The following PTPN4 variants were observed in gnomAD, a reference collection of about 807,000 sequenced individuals.
PTPN4 encodes the protein tyrosine-protein phosphatase non-receptor type 4.
Under a neutral mutation model 135.5 loss-of-function variants are expected in PTPN4, and 49 were observed. That is an observed-to-expected ratio of 0.36 (90% CI 0.29 to 0.46). The LOEUF (loss-of-function observed/expected upper bound fraction) is 0.46, where lower values mean the gene tolerates loss of function less well. Ranked by LOEUF, PTPN4 falls within the 20% of genes least tolerant of loss-of-function variation. PTPN4 has a pLI of 1.00. For missense variants in PTPN4, 860 were observed against 1,101.0 expected (o/e 0.78, Z 3.10); for synonymous variants, 333 against 369.9 (o/e 0.90, Z 1.14).
At chr2:119,975,440 A>G (rs1558780169) in intron 26 of PTPN4, among the ~76,000 whole-genome samples, 3 of 152,168 alleles carry the variant, frequency 2.0e-5, no homozygotes, top group Admixed American at 6.5e-5. Flanking sequence ...AAGTCCCTTC[A>G]GGGATGGGTG....
intron 2 of PTPN4, among the ~76,000 whole-genome samples, chr2:119,838,211 C>CT (rs1390869311): frequency 6.6e-6 from 1 of 151,444 alleles, no homozygotes. Context: ...TGTTTGTTTG[C>CT]TTTTTTATTT....
chr2:119,831,056 G>A (rs552574536), intron 2 of PTPN4, among the ~76,000 whole-genome samples: 1 of 152,290 alleles, frequency 6.6e-6, no homozygotes, highest in East Asian at 1.9e-4. Flanking sequence ...TTCCATGGAT[G>A]GGGGGTGGCA....
At chr2:119,871,713 G>A (rs944560779) in intron 3 of PTPN4, among the ~76,000 whole-genome samples, 27 of 150,978 alleles carry the variant, frequency 1.8e-4, no homozygotes, top group African/African-American at 5.3e-4. Flanking sequence ...GAAAGAGAGA[G>A]AGAAAAAAAA....
At chr2:119,960,043 G>A (rs914490468) in intron 22 of PTPN4, among the ~76,000 whole-genome samples, 23 of 152,190 alleles carry the variant, frequency 1.5e-4, no homozygotes, top group Admixed American at 4.6e-4. Context: ...ACAGAAAAGT[G>A]GGAAGTTGCA....
At chr2:119,950,522 A>G (rs868402213) in intron 18 of PTPN4, among the ~76,000 whole-genome samples, 1 of 152,256 alleles carries the variant, frequency 6.6e-6, no homozygotes, top group Non-Finnish European at 1.5e-5. Context: ...CAGAAGCAGC[A>G]GAGTAACTTC....
At chr2:119,857,647 TGTAATATTTCCTAGAGCATTATTTTA>T (rs1255455570) in intron 2 of PTPN4, among the ~76,000 whole-genome samples, 1 of 152,144 alleles carries the variant, frequency 6.6e-6, no homozygotes, top group Non-Finnish European at 1.5e-5. Context: ...TAATAACTCC[TGTAATATTTCCTAGAGCATTATTTTA>T]GGAAAATGAT....
In PTPN4 at chr2:119,904,463, T is replaced by TA. The variant is rs370240620; in HGVS notation, c.764+3667dup. 3.5e-3 allele frequency among the ~76,000 whole-genome samples: 519 copies of TA among 147,432 alleles called. 2 individuals are homozygous for TA. Among genetic ancestry groups the TA allele is most frequent in the African/African-American group, 0.012 (475 of 40,238 alleles). The stretch of plus-strand genomic sequence containing the variant: ...ATTTCAGAAGAGTTGGGCAAAGGCA[T>TA]AAAAAAAAAACCTATTTAAGAAAAT... On this transcript the variant is annotated intron_variant, in intron 10 of 26. Coordinates refer to ENST00000263708, the MANE Select transcript of PTPN4 (RefSeq NM_002830.4).
rs1401394983 is a variant in PTPN4 at position 119,980,854 on chromosome 2, G to A, written c.*3784G>A. ...AAAACATTATAGACTGCAGTTAGAA[G>A]ACTAATTTTTTAAAAGCACTCAAAA... On this transcript the variant is annotated 3_prime_UTR_variant, in exon 27 of 27. Transcript: ENST00000263708. 4 of 151,828 alleles carry A rather than the reference G, an allele frequency of 2.6e-5. No homozygotes were observed. Among genetic ancestry groups the A allele is most frequent in the Non-Finnish European group, 4.4e-5 (3 of 67,890 alleles). 9.4% of individuals were successfully genotyped at this position (151,828 alleles called of 1,614,324 possible).
At chr2:119,880,348 C>T (rs1382353175) in intron 5 of PTPN4, among the ~76,000 whole-genome samples, 1 of 151,976 alleles carries the variant, frequency 6.6e-6, no homozygotes, top group African/African-American at 2.4e-5. Context: ...GTCAGATTTA[C>T]AATATTATGG....
At chr2:119,949,379 G>A (rs1048721208) in intron 18 of PTPN4, among the ~76,000 whole-genome samples, 2 of 152,136 alleles carry the variant, frequency 1.3e-5, no homozygotes, top group African/African-American at 2.4e-5. Flanking sequence ...TTCTGTTTTT[G>A]TATGAATACA....
chr2:119,839,227 A>C (rs1298043279), intron 2 of PTPN4, among the ~76,000 whole-genome samples: 1 of 152,134 alleles, frequency 6.6e-6, no homozygotes. Flanking sequence ...CCATGGCAAT[A>C]CTAATTTTAG....
intron 5 of PTPN4, among the ~76,000 whole-genome samples, chr2:119,879,208 T>G (rs967060388): frequency 6.6e-6 from 1 of 152,350 alleles, no homozygotes; most frequent in Non-Finnish European, 1.5e-5. Context: ...TGTACTTCAC[T>G]TGAAAAACTG....
chr2:119,957,948 G>A (rs1197910378), intron 22 of PTPN4, among the ~76,000 whole-genome samples: 1 of 151,984 alleles, frequency 6.6e-6, no homozygotes, highest in Non-Finnish European at 1.5e-5. Flanking sequence ...AATCTCAAGG[G>A]GAGGTTTTTT....
intron 2 of PTPN4, among the ~76,000 whole-genome samples, chr2:119,826,382 C>T (rs1677145474): frequency 6.6e-6 from 1 of 152,192 alleles, no homozygotes; most frequent in African/African-American, 2.4e-5. Context: ...TAGTGTTTAG[C>T]AAGAGCTTTT....
At chr2:119,924,970 G>A (rs1453626176) in intron 12 of PTPN4, among the ~76,000 whole-genome samples, 4 of 152,144 alleles carry the variant, frequency 2.6e-5, no homozygotes, top group Non-Finnish European at 5.9e-5. Context: ...AAGGGGTAAT[G>A]CCTAAAATTC....
At chr2:119,912,894 G>T (rs553222146) in intron 10 of PTPN4, among the ~76,000 whole-genome samples, 1 of 152,004 alleles carries the variant, frequency 6.6e-6, no homozygotes, top group Non-Finnish European at 1.5e-5. Context: ...CTTTTTATTT[G>T]CCAGAAGTCT....
chr2:119,964,128 A>G lies in PTPN4; in HGVS notation c.2410-1369A>G, dbSNP rs930177758. ...CTCTTCAGTGTAAATGGCAATAACCATAGTTATAATTATAGTGTTGAATGA... is the reference window on the plus strand; with the variant it reads ...CTCTTCAGTGTAAATGGCAATAACCGTAGTTATAATTATAGTGTTGAATGA... On this transcript the variant is annotated intron_variant, in intron 24 of 26. Coordinates refer to ENST00000263708, the MANE Select transcript of PTPN4 (RefSeq NM_002830.4). Among the ~76,000 whole-genome samples, 6 of 152,334 alleles carry G rather than the reference A, an allele frequency of 3.9e-5. No homozygotes were observed. The South Asian group carries it at 8.3e-4, about 21-fold the overall frequency.
chr2:119,886,826 C>A (rs1364475442), intron 9 of PTPN4, among the ~76,000 whole-genome samples: 2 of 152,122 alleles, frequency 1.3e-5, no homozygotes, highest in Non-Finnish European at 2.9e-5. Context: ...AACATTAGTT[C>A]TTATGTTTCA....
chr2:119,970,393 C>T (rs1679514046), intron 26 of PTPN4, among the ~76,000 whole-genome samples: 1 of 151,930 alleles, frequency 6.6e-6, no homozygotes. Flanking sequence ...TTCCCTGCCA[C>T]CACCCCACCC....
Sources: allele counts gnomAD v4.1 joint callset (sites outside exome capture counted in the v4.1 genomes callset), GRCh38; gene constraint gnomAD v4.1.1; transcripts MANE v1.5; gene names NCBI Gene and HGNC (gene_info 2026-07-23, HGNC 2026-07-21).